The following MEIKIN variants were observed in gnomAD, a reference collection of about 807,000 sequenced individuals.
MEIKIN encodes the protein meiotic kinetochore factor.
intron 4 of MEIKIN, among the ~76,000 whole-genome samples, chr5:131,938,388 G>C (rs994621606): frequency 6.6e-6 from 1 of 151,906 alleles, no homozygotes; most frequent in Non-Finnish European, 1.5e-5. Flanking sequence ...GGCTGGTCTC[G>C]ATCTCCTAGG....
At chr5:131,933,666 T>C (rs2149652767) in intron 4 of MEIKIN, 25 bp from the exon 5 acceptor site, 1 of 398,082 alleles carries the variant, frequency 2.5e-6, no homozygotes, top group East Asian at 3.6e-5. Context: ...AAAAAAAAAT[T>C]GATAAATCTT....
intron 9 of MEIKIN, among the ~76,000 whole-genome samples, chr5:131,864,344 T>C (rs889641351): frequency 3.3e-5 from 5 of 152,226 alleles, no homozygotes; most frequent in African/African-American, 1.2e-4. Flanking sequence ...GTGAGTTTTA[T>C]AGTTTCATGT....
intron 8 of MEIKIN, among the ~76,000 whole-genome samples, chr5:131,894,277 T>C (rs1490494627): frequency 2.6e-5 from 4 of 152,248 alleles, no homozygotes; most frequent in African/African-American, 9.6e-5. Context: ...TTGGTACCAG[T>C]ACCACACTGT....
rs1189940820 is a variant in MEIKIN, at chr5:131,878,970, A to G, written c.774+8T>C. ...TGATTTATGTAGTTATTCTGCTTCA[A>G]TACTTGCTTTTTTCTTTGTTTTTTC... On this transcript the variant is annotated splice_region_variant and intron_variant, in intron 9 of 12. Coordinates refer to ENST00000442687, the MANE Select transcript of MEIKIN (RefSeq NM_001303622.2). The G allele has an allele frequency of 2.5e-6, 1 of 398,564 alleles. No individual in the cohort carries two copies. Among genetic ancestry groups the G allele is most frequent in the South Asian group, 1.3e-4 (1 of 7,856 alleles). The allele number at this position is 398,564 out of a possible 1,614,324, so 24.7% of individuals were successfully genotyped here.
intron 12 of MEIKIN, among the ~76,000 whole-genome samples, chr5:131,810,473 A>G (rs1332658471): frequency 6.6e-6 from 1 of 152,228 alleles, no homozygotes; most frequent in Non-Finnish European, 1.5e-5. Context: ...TTCTGATTCT[A>G]CAAGTAATAA....
chr5:131,921,725 A>G (rs1751508330), intron 6 of MEIKIN, 97 bp downstream of exon 6: 1 of 396,114 alleles, frequency 2.5e-6, no homozygotes, highest in Admixed American at 4.4e-5. Flanking sequence ...GCCAAAGGCA[A>G]TCCAACTGAT....
In MEIKIN at chr5:131,853,645, C is replaced by T. The variant is rs80061686; in HGVS notation, c.855+1109G>A. 2.5e-3 allele frequency among the ~76,000 whole-genome samples: 383 copies of T among 152,184 alleles called. 2 individuals are homozygous for T. Among genetic ancestry groups the T allele is most frequent in the African/African-American group, 8.8e-3 (365 of 41,540 alleles). On this transcript the variant is annotated intron_variant, in intron 10 of 12. Coordinates refer to ENST00000442687, the MANE Select transcript of MEIKIN (RefSeq NM_001303622.2). ...GTTAACATCTCAGATATATGAAGAACTCCTACAACTCAACAATTAAAAATT... is the reference window on the plus strand; with the variant it reads ...GTTAACATCTCAGATATATGAAGAATTCCTACAACTCAACAATTAAAAATT...
intron 9 of MEIKIN, among the ~76,000 whole-genome samples, chr5:131,869,938 T>C (rs919797492): frequency 2.6e-5 from 4 of 152,266 alleles, no homozygotes; most frequent in African/African-American, 9.6e-5. Flanking sequence ...ACTTCTCTGA[T>C]GAACTCAAGA....
intron 11 of MEIKIN, among the ~76,000 whole-genome samples, chr5:131,839,492 T>G (rs1245914428): frequency 6.6e-6 from 1 of 152,226 alleles, no homozygotes; most frequent in Non-Finnish European, 1.5e-5. Flanking sequence ...AGTCTAATTC[T>G]CTTTGAAGGT....
At chr5:131,877,006 G>A (rs1223908305) in intron 9 of MEIKIN, among the ~76,000 whole-genome samples, 1 of 129,998 alleles carries the variant, frequency 7.7e-6, no homozygotes, top group Non-Finnish European at 1.6e-5. Flanking sequence ...TGGGGTGGGG[G>A]GAGGGGGCGA....
chr5:131,913,830 A>G (rs1284793143), intron 7 of MEIKIN, among the ~76,000 whole-genome samples: 1 of 152,258 alleles, frequency 6.6e-6, no homozygotes, highest in Admixed American at 6.5e-5. Flanking sequence ...TCCTATTAAC[A>G]TATGTAAGTT....
intron 8 of MEIKIN, among the ~76,000 whole-genome samples, chr5:131,901,993 T>A (rs1053706394): frequency 3.9e-5 from 6 of 152,154 alleles, no homozygotes; most frequent in Non-Finnish European, 8.8e-5. Context: ...AGCACCACCC[T>A]CTTGGTGCTG....
At chr5:131,930,385 T>A (rs186983391) in intron 5 of MEIKIN, among the ~76,000 whole-genome samples, 1 of 152,364 alleles carries the variant, frequency 6.6e-6, no homozygotes, top group Admixed American at 6.5e-5. Flanking sequence ...TTCTGGATAT[T>A]AGATCTTTGT....
intron 6 of MEIKIN, among the ~76,000 whole-genome samples, chr5:131,917,218 A>C (rs1229943740): frequency 6.6e-6 from 1 of 152,112 alleles, no homozygotes; most frequent in African/African-American, 2.4e-5. Context: ...CTGTCAGGTA[A>C]ATATATCAAT....
intron 9 of MEIKIN, among the ~76,000 whole-genome samples, chr5:131,861,240 T>A (rs1327924499): frequency 2.0e-5 from 3 of 151,894 alleles, no homozygotes; most frequent in Non-Finnish European, 2.9e-5. Flanking sequence ...AATACAAACA[T>A]TAGCTGGGCA....
chr5:131,884,561 G>C (rs1223110716), intron 8 of MEIKIN, among the ~76,000 whole-genome samples: 1 of 151,404 alleles, frequency 6.6e-6, no homozygotes, highest in Non-Finnish European at 1.5e-5. Flanking sequence ...TGGCCCTTGG[G>C]TGAGACTCTG....
In MEIKIN at chr5:131,851,391, AG is replaced by A; in HGVS notation, c.856-9del. 1 of 397,834 alleles carries A rather than the reference AG, an allele frequency of 2.5e-6. No individual in the cohort carries two copies. Among genetic ancestry groups the A allele is most frequent in the Admixed American group, 4.4e-5 (1 of 22,724 alleles). The allele number at this position is 397,834 out of a possible 1,614,324, so 24.6% of individuals were successfully genotyped here. On this transcript the variant is annotated splice_polypyrimidine_tract_variant and intron_variant, in intron 10 of 12. Transcript: ENST00000442687. The stretch of plus-strand genomic sequence containing the variant: ...CACTGAGGACAAATCAATCTATAAA[AG>A]AATACATTATTGTTTTGTGGAAGTT...
chr5:131,850,209 C>T (rs1750088844), intron 11 of MEIKIN, among the ~76,000 whole-genome samples: 3 of 151,892 alleles, frequency 2.0e-5, no homozygotes, highest in Non-Finnish European at 4.4e-5. Flanking sequence ...AAAACACATC[C>T]CATGTTTATG....
chr5:131,875,144 G>A (rs964766871), intron 9 of MEIKIN, among the ~76,000 whole-genome samples: 13 of 152,146 alleles, frequency 8.5e-5, no homozygotes, highest in African/African-American at 3.1e-4. Context: ...TTCTGGCCAG[G>A]GCAATCAGCC....
Sources: gnomAD v4.1 joint callset for allele counts (sites outside exome capture counted in the v4.1 genomes callset) on GRCh38, gnomAD v4.1.1 for gene constraint, MANE v1.5 for transcripts, NCBI Gene and HGNC (gene_info 2026-07-23, HGNC 2026-07-21) for gene names.